PDIA5: variants seen among roughly 807,000 people sequenced by gnomAD.
PDIA5 encodes the protein protein disulfide isomerase family A member 5.
In PDIA5, 58 loss-of-function variants were observed where a neutral mutation model predicts 77.6. That is an observed-to-expected ratio of 0.75 (90% confidence interval 0.61 to 0.93). PDIA5 has a LOEUF of 0.93. PDIA5 is among the 40% of genes least tolerant of loss of function. The pLI is 0.00. For synonymous variants in PDIA5, 250 were observed against 252.1 expected (o/e 0.99, Z 0.08); for missense variants, 630 against 647.7 (o/e 0.97, Z 0.30).
At chr3:123,096,631 C>T (rs1213783837) in intron 3 of PDIA5, among the ~76,000 whole-genome samples, 1 of 152,124 alleles carries the variant, frequency 6.6e-6, no homozygotes, top group African/African-American at 2.4e-5. Context: ...CACTTCTCTG[C>T]TGGTTTTCTC....
At chr3:123,101,691 A>T (rs904280180) in intron 3 of PDIA5, among the ~76,000 whole-genome samples, 5 of 152,122 alleles carry the variant, frequency 3.3e-5, no homozygotes, top group African/African-American at 1.2e-4. Context: ...CCAAATTGAT[A>T]ATCAGGGGAA....
At chr3:123,131,050 T>A (rs1237599198) in intron 11 of PDIA5, among the ~76,000 whole-genome samples, 1 of 152,032 alleles carries the variant, frequency 6.6e-6, no homozygotes, top group East Asian at 1.9e-4. Context: ...GGCAGGAGGA[T>A]TGTTTAAGGC....
chr3:123,079,175 CTT>C (rs35252405), intron 1 of PDIA5, among the ~76,000 whole-genome samples: 11 of 94,066 alleles, frequency 1.2e-4, no homozygotes, highest in African/African-American at 3.0e-4. Context: ...ATTTTGAATT[CTT>C]TTTTTTTTTT....
intron 5 of PDIA5, among the ~76,000 whole-genome samples, chr3:123,105,204 A>T (rs1227599485): frequency 6.6e-6 from 1 of 152,168 alleles, no homozygotes; most frequent in East Asian, 1.9e-4. Flanking sequence ...TCTCCCTGAA[A>T]GCGTGTGTGC....
At chr3:123,094,864 G>A (rs978500914) in intron 3 of PDIA5, among the ~76,000 whole-genome samples, 2 of 152,208 alleles carry the variant, frequency 1.3e-5, no homozygotes, top group African/African-American at 4.8e-5. Context: ...AAGGGTTGGT[G>A]GCTAGGATGG....
chr3:123,150,401 G>C, intron 14 of PDIA5, 37 bp downstream of exon 14: 1 of 1,598,538 alleles, frequency 6.3e-7, no homozygotes, highest in East Asian at 2.2e-5. Flanking sequence ...GGCACAGTAA[G>C]AGGGGTTTGG....
intron 3 of PDIA5, among the ~76,000 whole-genome samples, chr3:123,094,172 T>G (rs1178181821): frequency 6.6e-6 from 1 of 152,246 alleles, no homozygotes; most frequent in African/African-American, 2.4e-5. Context: ...AGAGTTAACC[T>G]TAAGACAGAA....
chr3:123,069,634 G>A (rs1469866001), intron 1 of PDIA5, among the ~76,000 whole-genome samples: 1 of 152,128 alleles, frequency 6.6e-6, no homozygotes, highest in Non-Finnish European at 1.5e-5. Context: ...ATGATAGAAA[G>A]AAGACTAGAC....
At chr3:123,138,324 T>C (rs1935546651) in intron 11 of PDIA5, among the ~76,000 whole-genome samples, 1 of 152,260 alleles carries the variant, frequency 6.6e-6, no homozygotes, top group South Asian at 2.1e-4. Flanking sequence ...GTAGGTATTT[T>C]CATATGTTAT....
At chr3:123,087,132 T>G (rs1051145505) in intron 1 of PDIA5, among the ~76,000 whole-genome samples, 1 of 152,230 alleles carries the variant, frequency 6.6e-6, no homozygotes, top group Non-Finnish European at 1.5e-5. Context: ...CCCTGCCAAC[T>G]GAAGACTCAT....
intron 3 of PDIA5, among the ~76,000 whole-genome samples, chr3:123,094,869 G>C (rs1934393157): frequency 6.6e-6 from 1 of 152,322 alleles, no homozygotes; most frequent in Non-Finnish European, 1.5e-5. Context: ...TTGGTGGCTA[G>C]GATGGGGACA....
rs754305786 is a variant in PDIA5, at chr3:123,161,451, G to A, written c.1475G>A (p.Arg492His). 2.7e-5 allele frequency: 44 copies of A among 1,613,404 alleles called. No individual in the cohort carries two copies. The Admixed American group carries it at 5.5e-4, about 20-fold the overall frequency. ...TTCGCAGAAAAGTATGACAGCGACC[G>A]CACAGTAAGTGGGGGAGAGGCGTCT... is the stretch of plus-strand genomic sequence containing the variant. ...GKFAEKYDSD[R>H]TELGFTNYIR... Residue 492 changes from arginine to histidine, a missense_variant, in exon 16 of 17, where the codon CGC becomes CAC. Physicochemically the swap from Arg to His is conservative, Grantham distance 29 (BLOSUM62 0). Transcript: ENST00000316218.
intron 11 of PDIA5, among the ~76,000 whole-genome samples, chr3:123,135,697 G>A (rs1342255482): frequency 7.0e-6 from 1 of 141,948 alleles, no homozygotes; most frequent in Non-Finnish European, 1.5e-5. Context: ...AAATATAGGT[G>A]ATTAAGGAAA....
intron 1 of PDIA5, among the ~76,000 whole-genome samples, chr3:123,086,057 G>A (rs1273439883): frequency 6.6e-6 from 1 of 152,192 alleles, no homozygotes; most frequent in Non-Finnish European, 1.5e-5. Context: ...TGTGATGAGG[G>A]AGAAATCATT....
chr3:123,120,452 C>T (rs1054240558), intron 8 of PDIA5, among the ~76,000 whole-genome samples: 1 of 152,228 alleles, frequency 6.6e-6, no homozygotes, highest in Non-Finnish European at 1.5e-5. Context: ...TGACTGATCC[C>T]CTCTCTTCCC....
rs868122137 is a variant in PDIA5, at chr3:123,102,429, A to AT, written c.278dup (p.Leu93PhefsTer8). The AT allele has an allele frequency of 6.2e-7, 1 of 1,613,844 alleles. No homozygotes were observed. Among genetic ancestry groups the AT allele is most frequent in the Non-Finnish European group, 8.5e-7 (1 of 1,179,788 alleles). ...CTTCCAGTGATGCAGAGAGTAGAAA[A>AT]TTGTGCAAGAAGATGAAAGTTGACC... On this transcript the variant is annotated frameshift_variant, in exon 4 of 17. Coordinates refer to ENST00000316218, the MANE Select transcript of PDIA5 (RefSeq NM_006810.4). LOFTEE classifies it high-confidence loss of function.
chr3:123,075,658 G>T (rs1933835979), intron 1 of PDIA5, among the ~76,000 whole-genome samples: 1 of 152,126 alleles, frequency 6.6e-6, no homozygotes, highest in Non-Finnish European at 1.5e-5. Context: ...TTCTGGCTGT[G>T]AGTGGAGAGG....
At chr3:123,092,645 C>T (rs1268502973) in intron 3 of PDIA5, among the ~76,000 whole-genome samples, 1 of 152,172 alleles carries the variant, frequency 6.6e-6, no homozygotes, top group South Asian at 2.1e-4. Flanking sequence ...CCAGCCCAGC[C>T]CCATTTCTTC....
chr3:123,089,107 C>T (rs375245231), intron 1 of PDIA5, 61 bp from the exon 2 acceptor site: 80 of 1,556,884 alleles, frequency 5.1e-5, no homozygotes, highest in South Asian at 1.2e-4. Flanking sequence ...CCATGGGCAC[C>T]GATTCTTCTG....
Sources: allele counts gnomAD v4.1 joint callset (sites outside exome capture counted in the v4.1 genomes callset), GRCh38; gene constraint gnomAD v4.1.1; transcripts MANE v1.5; gene names NCBI Gene and HGNC (gene_info 2026-07-23, HGNC 2026-07-21).